CEP70: variants seen among roughly 807,000 people sequenced by gnomAD.
CEP70 encodes the protein centrosomal protein 70.
Under a neutral mutation model 90.9 loss-of-function variants are expected in CEP70, and 70 were observed. That is an observed-to-expected ratio of 0.77 (90% CI 0.64 to 0.94). The LOEUF (loss-of-function observed/expected upper bound fraction) is 0.94, where lower values mean the gene tolerates loss of function less well. CEP70 is among the 40% of genes least tolerant of loss of function. CEP70 has a pLI of 0.00. For missense variants in CEP70, 648 were observed against 669.0 expected (o/e 0.97, Z 0.35); for synonymous variants, 220 against 228.3 (o/e 0.96, Z 0.33).
At chr3:138,569,741 G>A (rs146966382) in intron 6 of CEP70, among the ~76,000 whole-genome samples, 341 of 152,206 alleles carry the variant, frequency 2.2e-3, no homozygotes, top group African/African-American at 7.1e-3. Context: ...GGTGGCATGC[G>A]CCTGTAGTCC....
intron 6 of CEP70, among the ~76,000 whole-genome samples, chr3:138,553,561 C>T (rs1299769212): frequency 1.3e-5 from 2 of 151,600 alleles, no homozygotes; most frequent in Non-Finnish European, 2.9e-5. Flanking sequence ...TGGTGTCAAT[C>T]CTATTGACAC....
At chr3:138,508,663 ATG>A (rs1368861546) in intron 11 of CEP70, 119 bp from the exon 12 acceptor site, 12 of 691,342 alleles carry the variant, frequency 1.7e-5, no homozygotes, top group Admixed American at 1.3e-4. Flanking sequence ...CTTTACTTAT[ATG>A]TGTGTGTGCA....
chr3:138,554,127 G>C (rs1480966232), intron 6 of CEP70, among the ~76,000 whole-genome samples: 1 of 151,828 alleles, frequency 6.6e-6, no homozygotes, highest in African/African-American at 2.4e-5. Context: ...CCTGAACCTG[G>C]GAGGCGGAGA....
chr3:138,551,758 AT>A (rs151131141), intron 6 of CEP70, among the ~76,000 whole-genome samples: 62,308 of 141,496 alleles, frequency 0.44, 14,666 homozygotes, highest in African/African-American at 0.54. Flanking sequence ...AAAAAAAAAA[AT>A]AAAATAAAAC....
chr3:138,524,194 T>C lies in CEP70; in HGVS notation c.944+1296A>G, dbSNP rs1193941862. 1.3e-4 allele frequency among the ~76,000 whole-genome samples: 19 copies of C among 151,318 alleles called. No homozygotes were observed. The East Asian group carries it at 1.7e-3, about 14-fold the overall frequency. ...CATATGTAGAAAGCTGAAACTGGAT[T>C]CCTTCCTTACACCTTATACAAAAAT... On this transcript the variant is annotated intron_variant, in intron 11 of 17. Coordinates refer to ENST00000264982, the MANE Select transcript of CEP70 (RefSeq NM_024491.4).
intron 16 of CEP70, 151 bp downstream of exon 16, chr3:138,499,958 GA>G (rs1194470425): frequency 1.7e-6 from 1 of 605,584 alleles, no homozygotes; most frequent in East Asian, 2.7e-5. Context: ...ATTGTTTAGA[GA>G]CAGGGTCTCA....
chr3:138,517,915 G>C (rs941668641), intron 11 of CEP70, among the ~76,000 whole-genome samples: 31 of 152,336 alleles, frequency 2.0e-4, no homozygotes, highest in Admixed American at 7.2e-4. Flanking sequence ...CAAAGGGTCA[G>C]GGAATTCCCT....
chr3:138,571,284 T>C lies in CEP70; in HGVS notation c.142A>G (p.Lys48Glu), dbSNP rs753727080. The change falls in exon 4 of 18, where the codon AAA (lysine) becomes GAA (glutamate). Residue 48 changes from lysine to glutamate, a missense_variant. Physicochemically the swap from Lys to Glu is moderately conservative, Grantham distance 56. Transcript: ENST00000264982. ...MHGLKPLSLV[K>E]RTDLKDLIIF... is the part of the protein sequence containing the mutation. Reference sequence around the variant, plus strand: ...TAATTACCTTTGAGATCTGTTCTTTTGACTAGAGACAAAGGTTTTAAGCCA... The same window carrying C: ...TAATTACCTTTGAGATCTGTTCTTTCGACTAGAGACAAAGGTTTTAAGCCA... 2.5e-6 allele frequency: 4 copies of C among 1,609,384 alleles called. No homozygotes were observed. Among genetic ancestry groups the C allele is most frequent in the Admixed American group, 1.7e-5 (1 of 59,778 alleles).
At chr3:138,498,693 GCT>G (rs1206520216) in intron 16 of CEP70, among the ~76,000 whole-genome samples, 1 of 151,948 alleles carries the variant, frequency 6.6e-6, no homozygotes, top group Admixed American at 6.6e-5. Context: ...CTTAGATCAT[GCT>G]TTTACAGCAT....
chr3:138,508,760 A>G (rs534395115), intron 11 of CEP70, among the ~76,000 whole-genome samples: 1 of 151,552 alleles, frequency 6.6e-6, no homozygotes, highest in East Asian at 1.9e-4. Context: ...TTGAGACAGA[A>G]TCTCGCTCTA....
chr3:138,544,910 A>C (rs2039069265), intron 6 of CEP70, among the ~76,000 whole-genome samples: 1 of 152,200 alleles, frequency 6.6e-6, no homozygotes, highest in Non-Finnish European at 1.5e-5. Context: ...TACAAAAAGT[A>C]GGAGGGAAGG....
chr3:138,520,442 T>C (rs549477023), intron 11 of CEP70, among the ~76,000 whole-genome samples: 2 of 152,114 alleles, frequency 1.3e-5, no homozygotes, highest in Non-Finnish European at 2.9e-5. Flanking sequence ...AGTAAAGCAC[T>C]CCTCAGCAAA....
In CEP70 at chr3:138,554,680, A is replaced by G. The variant is rs1024274821; in HGVS notation, c.465+15638T>C. ...TCTCTGCTATACACCAACAGTGACC[A>G]AGCTGAGAATCTAATCAATAACTCA... is the stretch of plus-strand genomic sequence containing the variant. On this transcript the variant is annotated intron_variant, in intron 6 of 17. Coordinates refer to ENST00000264982, the MANE Select transcript of CEP70 (RefSeq NM_024491.4). 3.3e-5 allele frequency among the ~76,000 whole-genome samples: 5 copies of G among 152,246 alleles called. No individual in the cohort carries two copies. In the East Asian group the frequency reaches 5.8e-4, roughly 18 times the overall value.
At chr3:138,504,855 T>C (rs1042951923) in intron 13 of CEP70, among the ~76,000 whole-genome samples, 7 of 151,766 alleles carry the variant, frequency 4.6e-5, no homozygotes, top group African/African-American at 1.7e-4. Context: ...AAATAAAGTG[T>C]GAAGAGAGAG....
At chr3:138,525,320 C>T (rs927907040) in intron 11 of CEP70, among the ~76,000 whole-genome samples, 170 bp downstream of exon 11, 6 of 151,844 alleles carry the variant, frequency 4.0e-5, no homozygotes, top group Admixed American at 1.3e-4. Context: ...TGTTAAATGA[C>T]GAGTTACTGG....
At chr3:138,540,004 A>G (rs2038616134) in intron 6 of CEP70, among the ~76,000 whole-genome samples, 1 of 152,360 alleles carries the variant, frequency 6.6e-6, no homozygotes, top group East Asian at 1.9e-4. Flanking sequence ...CTGCATAGCA[A>G]AAGTAACAAA....
chr3:138,537,855 C>A (rs982085948), intron 6 of CEP70, among the ~76,000 whole-genome samples: 1 of 152,030 alleles, frequency 6.6e-6, no homozygotes, highest in African/African-American at 2.4e-5. Context: ...TTCACTTCCC[C>A]CAACAGAAAA....
chr3:138,568,836 G>A (rs57398566), intron 6 of CEP70, among the ~76,000 whole-genome samples: 2,151 of 151,828 alleles, frequency 0.014, 57 homozygotes, highest in African/African-American at 0.05. Context: ...ACAATTAGCC[G>A]GGCGTGGTGG....
chr3:138,539,813 G>A (rs2038599603), intron 6 of CEP70, among the ~76,000 whole-genome samples: 1 of 152,086 alleles, frequency 6.6e-6, no homozygotes, highest in South Asian at 2.1e-4. Flanking sequence ...GAACAGGAAG[G>A]TCAGAGATCA....
Sources: allele counts gnomAD v4.1 joint callset (sites outside exome capture counted in the v4.1 genomes callset), GRCh38; gene constraint gnomAD v4.1.1; transcripts MANE v1.5; gene names NCBI Gene and HGNC (gene_info 2026-07-23, HGNC 2026-07-21).